The following GPATCH8 variants were observed in gnomAD, a reference collection of about 807,000 sequenced individuals.
GPATCH8 encodes the protein G patch domain-containing protein 8.
In GPATCH8, 18 loss-of-function variants were observed where a neutral mutation model predicts 118.3. The ratio of observed to expected loss-of-function variants is 0.15; its 90% CI spans 0.11 to 0.23. The LOEUF is 0.23. Ranked by LOEUF, GPATCH8 falls within the 10% of genes least tolerant of loss-of-function variation. The pLI, the probability that GPATCH8 is intolerant of heterozygous loss-of-function variation, is 1.00. For missense variants in GPATCH8, 1,631 were observed against 1,873.8 expected, an observed-to-expected ratio of 0.87 and a Z score of 2.39; for synonymous variants, 659 against 684.7, an observed-to-expected ratio of 0.96 and a Z score of 0.59.
chr17:44,468,512 C>T (rs974615609), intron 2 of GPATCH8, among the ~76,000 whole-genome samples: 31 of 151,102 alleles, frequency 2.1e-4, no homozygotes, highest in African/African-American at 7.1e-4. Flanking sequence ...CTCAGCCTCC[C>T]AAAGTGCTGG....
intron 3 of GPATCH8, among the ~76,000 whole-genome samples, chr17:44,454,329 C>A (rs1002904584): frequency 6.6e-6 from 1 of 152,154 alleles, no homozygotes; most frequent in Non-Finnish European, 1.5e-5. Context: ...CACTATGTCG[C>A]CCAGGCTGGA....
At chr17:44,432,056 T>G (rs2143997488) in intron 5 of GPATCH8, among the ~76,000 whole-genome samples, 1 of 151,838 alleles carries the variant, frequency 6.6e-6, no homozygotes, top group East Asian at 1.9e-4. Context: ...GGTTTTTTTT[T>G]TTTTTTTTTA....
At chr17:44,476,183 TACAA>T (rs995108927) in intron 1 of GPATCH8, among the ~76,000 whole-genome samples, 18 of 152,088 alleles carry the variant, frequency 1.2e-4, no homozygotes, top group South Asian at 1.0e-3. Context: ...TACAGAGTCT[TACAA>T]ACAAAGAGCC....
chr17:44,499,830 G>C (rs1263466411), intron 1 of GPATCH8, among the ~76,000 whole-genome samples: 1 of 151,134 alleles, frequency 6.6e-6, no homozygotes, highest in African/African-American at 2.4e-5. Flanking sequence ...TCTTAAAGGA[G>C]TAGTTAAAAC....
At chr17:44,494,811 T>C (rs1051843869) in intron 1 of GPATCH8, among the ~76,000 whole-genome samples, 4 of 152,246 alleles carry the variant, frequency 2.6e-5, no homozygotes, top group African/African-American at 9.6e-5. Context: ...GAACCTTAAA[T>C]AGCTAGTGCA....
chr17:44,438,064 A>G (rs923313818), intron 3 of GPATCH8, among the ~76,000 whole-genome samples: 1 of 152,222 alleles, frequency 6.6e-6, no homozygotes, highest in East Asian at 1.9e-4. Flanking sequence ...ATGGTATAAT[A>G]AATAAGCAGT....
intron 7 of GPATCH8, among the ~76,000 whole-genome samples, chr17:44,403,930 G>A (rs2049122779): frequency 6.6e-6 from 1 of 151,924 alleles, no homozygotes; most frequent in South Asian, 2.1e-4. Context: ...CTGACCTAAG[G>A]TGATCCACCT....
chr17:44,416,678 AT>A (rs1215331408), intron 6 of GPATCH8, among the ~76,000 whole-genome samples: 1 of 152,236 alleles, frequency 6.6e-6, no homozygotes, highest in Non-Finnish European at 1.5e-5. Context: ...AATACATGTT[AT>A]TGGGTAATGA....
chr17:44,452,281 A>G (rs1287087968), intron 3 of GPATCH8, among the ~76,000 whole-genome samples: 1 of 150,420 alleles, frequency 6.6e-6, no homozygotes, highest in Non-Finnish European at 1.5e-5. Context: ...TCAAAAAAAA[A>G]AAAAAAAAGA....
In GPATCH8 at chr17:44,400,411, A is replaced by G. The variant is rs371176251; in HGVS notation, c.1666T>C (p.Leu556=). The stretch of plus-strand genomic sequence containing the variant: ...GAGGGTTCTGCCTTGGTGAAAATTA[A>G]TAGTTCTGATGGCCACTGGAGGGCA... The part of the protein sequence containing the change: ...STALQWPSEL[L]IFTKAEPSIS... Residue 556 remains leucine (L), a synonymous_variant, in exon 8 of 8, where the codon TTA becomes CTA. Coordinates refer to ENST00000591680, the MANE Select transcript of GPATCH8 (RefSeq NM_001002909.4). The G allele has an allele frequency of 2.4e-5, 38 of 1,613,808 alleles. No individual in the cohort carries two copies. Among genetic ancestry groups the G allele is most frequent in the Non-Finnish European group, 3.0e-5 (35 of 1,179,778 alleles).
chr17:44,479,624 T>C (rs1281280654), intron 1 of GPATCH8, among the ~76,000 whole-genome samples: 1 of 152,168 alleles, frequency 6.6e-6, no homozygotes, highest in East Asian at 1.9e-4. Flanking sequence ...GACCACAGGC[T>C]AGGCAAATAT....
Position 44,399,009 on chromosome 17 carries a change from C to G in GPATCH8, c.3068G>C (p.Arg1023Pro). The change falls in exon 8 of 8, where the codon CGG (arginine) becomes CCG (proline). Residue 1023 changes from arginine to proline, a missense_variant. Physicochemically the swap from Arg to Pro is moderately radical, Grantham distance 103. Transcript: ENST00000591680. ...GTAGATCTTAGAACGAATGAAGTCC[C>G]GACGCCCAGAATGCCTCTCCTCAGG... The part of the protein sequence containing the change: ...ESPEERHSGR[R>P]DFIRSKIYRS... The G allele has an allele frequency of 6.2e-7, 1 of 1,613,984 alleles. No individual in the cohort carries two copies. The highest frequency in any genetic ancestry group is 8.5e-7 in the Non-Finnish European group (1 of 1,179,908).
intron 6 of GPATCH8, among the ~76,000 whole-genome samples, chr17:44,417,331 C>G (rs2049723607): frequency 6.6e-6 from 1 of 152,168 alleles, no homozygotes; most frequent in African/African-American, 2.4e-5. Context: ...TTAATAGACT[C>G]AGCCCCTCTA....
chr17:44,406,342 A>C (rs2049220099), intron 6 of GPATCH8, among the ~76,000 whole-genome samples: 1 of 152,098 alleles, frequency 6.6e-6, no homozygotes, highest in Admixed American at 6.6e-5. Flanking sequence ...AAAGAAAGGG[A>C]CTATTTAATC....
chr17:44,405,970 C>T lies in GPATCH8; in HGVS notation c.574G>A (p.Ala192Thr), dbSNP rs2049205684. The change falls in exon 7 of 8, where the codon GCC (alanine) becomes ACC (threonine). Residue 192 changes from alanine to threonine, a missense_variant. Ala to Thr is a moderately conservative substitution (Grantham distance 58). Around this residue, in one of 8 missense-constraint regions of GPATCH8, gnomAD observed 81 missense variants for 227.6 expected, o/e 0.36. Coordinates refer to ENST00000591680, the MANE Select transcript of GPATCH8 (RefSeq NM_001002909.4). ...GCCAACTCATGGAGCCGCCGAAGGGCTTTTTCCTGTTTTTTCTCATCCTTG... is the reference window on the plus strand; with the variant it reads ...GCCAACTCATGGAGCCGCCGAAGGGTTTTTTCCTGTTTTTTCTCATCCTTG... ...SRKDEKKQEK[A>T]LRRLHELAEQ... The T allele has an allele frequency of 6.2e-7, 1 of 1,612,092 alleles. No homozygotes were observed. Among genetic ancestry groups the T allele is most frequent in the Admixed American group, 1.7e-5 (1 of 60,008 alleles).
intron 1 of GPATCH8, among the ~76,000 whole-genome samples, chr17:44,501,856 G>T (rs1364965178): frequency 1.3e-5 from 2 of 151,890 alleles, no homozygotes; most frequent in Non-Finnish European, 2.9e-5. Flanking sequence ...GTCTCTACCG[G>T]TAATTTAAAA....
At chr17:44,406,563 G>T (rs535984459) in intron 6 of GPATCH8, among the ~76,000 whole-genome samples, 82 of 142,754 alleles carry the variant, frequency 5.7e-4, no homozygotes, top group Non-Finnish European at 8.0e-4. Flanking sequence ...TAAAAAGGTG[G>T]TTTTTTTTTC....
rs781673666 is a variant in GPATCH8, at chr17:44,401,194, A to G, written c.883T>C (p.Leu295=). Residue 295 remains leucine (L), a synonymous_variant, in exon 8 of 8, where the codon TTG becomes CTG. Coordinates refer to ENST00000591680, the MANE Select transcript of GPATCH8 (RefSeq NM_001002909.4). ...FGIKNNLGTP[L]QKLGVSFSFA... The stretch of plus-strand genomic sequence containing the variant: ...GAAAATGACACTCCCAATTTTTGCA[A>G]TGGGGTCCCCAGATTATTCTTAATG... The G allele has an allele frequency of 2.9e-5, 47 of 1,613,956 alleles. No individual in the cohort carries two copies. Among genetic ancestry groups the G allele is most frequent in the Middle Eastern group, 3.3e-4 (2 of 6,084 alleles).
chr17:44,403,123 T>A (rs1382605242), intron 7 of GPATCH8, among the ~76,000 whole-genome samples: 1 of 152,184 alleles, frequency 6.6e-6, no homozygotes, highest in Non-Finnish European at 1.5e-5. Flanking sequence ...TTGCCCAGGC[T>A]GGAGTACAGT....
Sources: gnomAD v4.1 joint callset for allele counts (sites outside exome capture counted in the v4.1 genomes callset) on GRCh38, gnomAD v4.1.1 for gene constraint, gnomAD v4.1.1 regional missense constraint, MANE v1.5 for transcripts, NCBI Gene and HGNC (gene_info 2026-07-23, HGNC 2026-07-21) for gene names.